Variants in ETHE1 observed in about 807,000 individuals in gnomAD.
ETHE1 encodes the protein ETHE1 persulfide dioxygenase.
Under a neutral mutation model 25.7 loss-of-function variants are expected in ETHE1, and 16 were observed. That is an observed-to-expected ratio of 0.62 (90% CI 0.42 to 0.95). The LOEUF is 0.95. Among genes scored for constraint, ETHE1 ranks in the 40% least tolerant of loss-of-function variants. The probability of loss-of-function intolerance (pLI) is 0.00; values close to 1 mark genes in which losing one functional copy is unlikely to be tolerated. For synonymous variants in ETHE1, 139 were observed against 135.9 expected (o/e 1.02, Z -0.16); for missense variants, 300 against 333.6 (o/e 0.90, Z 0.79).
intron 3 of ETHE1, among the ~76,000 whole-genome samples, chr19:43,511,807 A>T (rs1039016990): frequency 9.2e-5 from 14 of 152,068 alleles, no homozygotes; most frequent in African/African-American, 3.4e-4. Context: ...ATAATATCTG[A>T]CCTCTGGTTA....
chr19:43,513,132 G>A (rs1297737620), intron 3 of ETHE1, among the ~76,000 whole-genome samples: 1 of 152,156 alleles, frequency 6.6e-6, no homozygotes, highest in Non-Finnish European at 1.5e-5. Context: ...AGATTTGAGA[G>A]GCTGTATGGA....
At position 43,526,630 on chromosome 19, in the gene ETHE1, C is replaced by A; in HGVS notation, c.111G>T (p.Thr37=). The change falls in exon 2 of 7, where the codon ACG becomes ACT. Residue 37 remains threonine, a synonymous_variant. Transcript: ENST00000292147. ...GGGACTCTCTGTCACCCAGCAGGTA[C>A]GTGAAGGTGCAGCTCACAGGCTCGA... ...QMFEPVSCTF[T]YLLGDRESRE... The A allele has an allele frequency of 6.2e-7, 1 of 1,614,020 alleles. No individual in the cohort carries two copies. Among genetic ancestry groups the A allele is most frequent in the East Asian group, 2.2e-5 (1 of 44,882 alleles).
chr19:43,515,572 CTGTTT>C (rs201252431), intron 3 of ETHE1, among the ~76,000 whole-genome samples: 3 of 151,856 alleles, frequency 2.0e-5, no homozygotes, highest in African/African-American at 7.2e-5. Flanking sequence ...CCTATAAATA[CTGTTT>C]TGTTTTGTTT....
intron 4 of ETHE1, among the ~76,000 whole-genome samples, chr19:43,509,531 C>G (rs1463817620): frequency 2.0e-5 from 3 of 146,492 alleles, no homozygotes; most frequent in South Asian, 2.1e-4. Flanking sequence ...CGCGGTGGCT[C>G]ACGCCTGTAA....
Position 43,527,103 on chromosome 19 carries a change from CAGG to C in ETHE1, c.72_74del (p.Leu25del). 6.4e-7 allele frequency: 1 copy of C among 1,556,410 alleles called. No individual in the cohort carries two copies. The highest frequency in any genetic ancestry group is 8.7e-7 in the Non-Finnish European group (1 of 1,153,488). On this transcript the variant is annotated inframe_deletion, in exon 1 of 7. Transcript: ENST00000292147. ...TAGGTCCAGCCACCCGCACCTGCCG[CAGG>C]AGGATGGGGGCTCCAGACCCGCCGC...
chr19:43,523,094 G>A (rs1370300124), intron 3 of ETHE1, among the ~76,000 whole-genome samples: 1 of 152,218 alleles, frequency 6.6e-6, no homozygotes, highest in Non-Finnish European at 1.5e-5. Context: ...AAACCGGCCT[G>A]TGGTTAAATG....
intron 1 of ETHE1, 126 bp from the exon 2 acceptor site, chr19:43,526,785 C>T: frequency 6.5e-7 from 1 of 1,528,184 alleles, no homozygotes; most frequent in Non-Finnish European, 8.8e-7. Context: ...ACTCTTTCCC[C>T]GGGAGTCGGG....
intron 3 of ETHE1, among the ~76,000 whole-genome samples, chr19:43,525,007 G>A (rs575280399): frequency 8.6e-5 from 13 of 150,948 alleles, no homozygotes; most frequent in African/African-American, 1.7e-4. Flanking sequence ...TCAGCCAGGC[G>A]TGCTGGTGCA....
intron 4 of ETHE1, among the ~76,000 whole-genome samples, chr19:43,510,946 C>T (rs1259515672): frequency 2.6e-5 from 4 of 152,084 alleles, no homozygotes; most frequent in African/African-American, 9.7e-5. Context: ...CTGTCAGATC[C>T]GCAGCAGCAT....
chr19:43,523,214 A>ATGTATAATATGTAT (rs1972170983), intron 3 of ETHE1, among the ~76,000 whole-genome samples: 1 of 152,180 alleles, frequency 6.6e-6, no homozygotes, highest in Non-Finnish European at 1.5e-5. Flanking sequence ...AAGTACTCAT[A>ATGTATAATATGTAT]CACATGTATA....
rs1236606387 is a variant in ETHE1, at chr19:43,508,821, G to A, written c.549C>T (p.Phe183=). 1 of 1,608,974 alleles carries A rather than the reference G, an allele frequency of 6.2e-7. No individual in the cohort carries two copies. Among genetic ancestry groups the A allele is most frequent in the African/African-American group, 1.3e-5 (1 of 75,002 alleles). ...AGATCAGACAGTCTCCTGGAAGTGT[G>A]AAGATCTTTTCATGGACCGAGTGGT... ...TLYHSVHEKI[F]TLPGDCLIYP... The change falls in exon 5 of 7, where the codon TTC becomes TTT. Residue 183 remains phenylalanine, a synonymous_variant. Coordinates refer to ENST00000292147, the MANE Select transcript of ETHE1 (RefSeq NM_014297.5).
intron 4 of ETHE1, 136 bp downstream of exon 4, chr19:43,511,301 G>A: frequency 7.3e-7 from 1 of 1,375,538 alleles, no homozygotes; most frequent in African/African-American, 1.4e-5. Flanking sequence ...TGTTCTAGCA[G>A]GTAAACTCCT....
At position 43,527,134 on chromosome 19, in the gene ETHE1, TG is replaced by T; in HGVS notation, c.43del (p.Gln15SerfsTer18). ...VLRVARRQLS[Q>X]RGGSGAPILL... is the part of the protein sequence containing the mutation. ...GATGGGGGCTCCAGACCCGCCGCGC[TG>T]GCTCAGCTGCCGCCGGGCGACCCTC... On this transcript the variant is annotated frameshift_variant, in exon 1 of 7. Coordinates refer to ENST00000292147, the MANE Select transcript of ETHE1 (RefSeq NM_014297.5). LOFTEE classifies it high-confidence loss of function. 1 of 1,553,366 alleles carries T rather than the reference TG, an allele frequency of 6.4e-7. No homozygotes were observed. Among genetic ancestry groups the T allele is most frequent in the Non-Finnish European group, 8.7e-7 (1 of 1,152,888 alleles).
chr19:43,506,906 A>G lies in ETHE1; in HGVS notation c.713-4T>C. Reference sequence around the variant, plus strand: ...ATGTTGGCTGGAACAGCAAAGTCTGAAAGGAAGAAATCAAGGTTAAAACTA... The same window carrying G: ...ATGTTGGCTGGAACAGCAAAGTCTGGAAGGAAGAAATCAAGGTTAAAACTA... On this transcript the variant is annotated splice_region_variant and splice_polypyrimidine_tract_variant and intron_variant, in intron 6 of 6. Coordinates refer to ENST00000292147, the MANE Select transcript of ETHE1 (RefSeq NM_014297.5). The G allele has an allele frequency of 6.2e-7, 1 of 1,613,812 alleles. No individual in the cohort carries two copies.
Position 43,506,726 on chromosome 19 carries a change from A to G in ETHE1, c.*124T>C, listed in dbSNP as rs1377251702. Reference sequence around the variant, plus strand: ...AATAGGTAGAAGTCAGACTCACGTTAAAAAAAGTTTTATTTAGGGAGCTCC... The same window carrying G: ...AATAGGTAGAAGTCAGACTCACGTTGAAAAAAGTTTTATTTAGGGAGCTCC... On this transcript the variant is annotated 3_prime_UTR_variant, in exon 7 of 7. Coordinates refer to ENST00000292147, the MANE Select transcript of ETHE1 (RefSeq NM_014297.5). The G allele has an allele frequency of 3.2e-6, 3 of 950,564 alleles. No homozygotes were observed. In the African/African-American group the frequency reaches 4.8e-5, roughly 15 times the overall value. 58.9% of individuals were successfully genotyped at this position (950,564 alleles called of 1,614,324 possible).
chr19:43,517,517 G>A (rs913667252), intron 3 of ETHE1, among the ~76,000 whole-genome samples: 4 of 148,594 alleles, frequency 2.7e-5, no homozygotes, highest in African/African-American at 5.0e-5. Flanking sequence ...ACGGTGGCTC[G>A]CCTAATCGCG....
intron 3 of ETHE1, among the ~76,000 whole-genome samples, chr19:43,521,204 C>T (rs1316269332): frequency 6.6e-6 from 1 of 152,036 alleles, no homozygotes; most frequent in Non-Finnish European, 1.5e-5. Flanking sequence ...TGGTGGTGCG[C>T]ACCTGTAATC....
intron 3 of ETHE1, 91 bp downstream of exon 3, chr19:43,526,110 G>C: frequency 6.3e-7 from 1 of 1,596,186 alleles, no homozygotes; most frequent in African/African-American, 1.3e-5. Context: ...TCCTCCCCAA[G>C]GACTCAGGAT....
At chr19:43,517,757 C>T (rs1600002827) in intron 3 of ETHE1, among the ~76,000 whole-genome samples, 1 of 150,102 alleles carries the variant, frequency 6.7e-6, no homozygotes, top group East Asian at 2.0e-4. Flanking sequence ...CCCTGGGTGA[C>T]AGAGTGAGAC....
Sources: gnomAD v4.1 joint callset for allele counts (sites outside exome capture counted in the v4.1 genomes callset) on GRCh38, gnomAD v4.1.1 for gene constraint, MANE v1.5 for transcripts, NCBI Gene and HGNC (gene_info 2026-07-23, HGNC 2026-07-21) for gene names.